The following TRAPPC9 variants were observed in gnomAD, a reference collection of about 807,000 sequenced individuals.
The protein encoded by TRAPPC9 is IKK2 binding protein.
Under a neutral mutation model 124.0 loss-of-function variants are expected in TRAPPC9, and 83 were observed. The observed-to-expected ratio is 0.67, with a 90% CI of 0.56 to 0.80. The LOEUF (loss-of-function observed/expected upper bound fraction) is 0.80. Among genes scored for constraint, TRAPPC9 ranks in the 30% least tolerant of loss-of-function variants. The pLI is 0.00. For missense variants in TRAPPC9, 1,302 were observed against 1,508.3 expected, an observed-to-expected ratio of 0.86 and a Z score of 2.27; for synonymous variants, 638 against 617.5, an observed-to-expected ratio of 1.03 and a Z score of -0.49.
At chr8:140,328,807 T>C (rs1485182416) in intron 9 of TRAPPC9, among the ~76,000 whole-genome samples, 1 of 152,080 alleles carries the variant, frequency 6.6e-6, no homozygotes, top group Admixed American at 6.5e-5. Flanking sequence ...ATTAGCATAG[T>C]TATAATTTAC....
chr8:140,436,578 C>T (rs893785832), intron 3 of TRAPPC9, among the ~76,000 whole-genome samples: 23 of 152,174 alleles, frequency 1.5e-4, no homozygotes, highest in Non-Finnish European at 3.1e-4. Flanking sequence ...CCACTGTCCA[C>T]TTCTGAGAGG....
At chr8:140,170,258 T>C (rs924299447) in intron 17 of TRAPPC9, among the ~76,000 whole-genome samples, 6 of 152,166 alleles carry the variant, frequency 3.9e-5, no homozygotes, top group African/African-American at 1.4e-4. Flanking sequence ...CTAATTTCTG[T>C]TGGATGCTAT....
chr8:140,380,384 C>A (rs568224477), intron 7 of TRAPPC9, among the ~76,000 whole-genome samples: 1 of 152,042 alleles, frequency 6.6e-6, no homozygotes, highest in African/African-American at 2.4e-5. Context: ...CCTGGCATGG[C>A]GGCTCACGGC....
intron 15 of TRAPPC9, among the ~76,000 whole-genome samples, chr8:140,266,590 G>A (rs1341469920): frequency 6.6e-6 from 1 of 152,150 alleles, no homozygotes; most frequent in East Asian, 1.9e-4. Flanking sequence ...CGGGTGCAGT[G>A]GCTCATGCCT....
intron 20 of TRAPPC9, among the ~76,000 whole-genome samples, chr8:139,899,507 G>A (rs1036633192): frequency 1.3e-5 from 2 of 152,162 alleles, no homozygotes; most frequent in Admixed American, 6.5e-5. Context: ...AGGAAGAGGA[G>A]GCACTGGTCT....
intron 17 of TRAPPC9, among the ~76,000 whole-genome samples, chr8:140,112,351 C>G (rs10105469): frequency 4.9e-5 from 6 of 122,162 alleles, no homozygotes; most frequent in Admixed American, 1.6e-4. Flanking sequence ...GGGACAGGTG[C>G]GAGGAGAGGA....
rs2060633790 is a variant in TRAPPC9 at position 140,104,717 on chromosome 8, C to T, written c.2557-80638G>A. Among the ~76,000 whole-genome samples, 1 of 152,198 alleles carries T rather than the reference C, an allele frequency of 6.6e-6. No homozygotes were observed. The highest frequency in any genetic ancestry group is 2.4e-5 in the African/African-American group (1 of 41,448). On this transcript the variant is annotated intron_variant, in intron 17 of 22. Coordinates refer to ENST00000438773, the MANE Select transcript of TRAPPC9 (RefSeq NM_001160372.4). This position sits in a 1 kb window ranked among gnomAD's most constrained non-coding sequence, Gnocchi z 4.0. Reference sequence around the variant, plus strand: ...GGTGCCATTCCCCCAGCCCAGGCACCAGGCCCGGACCAGCTGTAGTTACCC... The same window carrying T: ...GGTGCCATTCCCCCAGCCCAGGCACTAGGCCCGGACCAGCTGTAGTTACCC...
chr8:140,138,742 G>C (rs544911534), intron 17 of TRAPPC9, among the ~76,000 whole-genome samples: 1 of 152,170 alleles, frequency 6.6e-6, no homozygotes, highest in Non-Finnish European at 1.5e-5. Flanking sequence ...TGCTGTGCTC[G>C]GCCTTCAGAA....
chr8:139,957,437 CAGAG>C (rs1835070876), intron 19 of TRAPPC9, among the ~76,000 whole-genome samples: 1 of 152,192 alleles, frequency 6.6e-6, no homozygotes, highest in Non-Finnish European at 1.5e-5. Flanking sequence ...ACTCTGGAGT[CAGAG>C]AGAGGCAGGG....
intron 12 of TRAPPC9, among the ~76,000 whole-genome samples, chr8:140,288,648 T>C (rs1010397671): frequency 6.6e-6 from 1 of 152,108 alleles, no homozygotes; most frequent in Non-Finnish European, 1.5e-5. Flanking sequence ...GAAAACGCTA[T>C]GGAATCTACA....
chr8:140,076,585 C>T (rs964995783), intron 17 of TRAPPC9, among the ~76,000 whole-genome samples: 3 of 152,222 alleles, frequency 2.0e-5, no homozygotes, highest in African/African-American at 7.2e-5. Context: ...GGGCCCATCC[C>T]CTCTGGGTGC....
At chr8:139,905,308 A>C (rs1010379259) in intron 20 of TRAPPC9, among the ~76,000 whole-genome samples, 1 of 152,214 alleles carries the variant, frequency 6.6e-6, no homozygotes, top group Non-Finnish European at 1.5e-5. Flanking sequence ...AGCCTAGGAA[A>C]TGTGGAAGAA....
chr8:139,939,368 G>A (rs997520639), intron 19 of TRAPPC9, among the ~76,000 whole-genome samples: 1 of 152,214 alleles, frequency 6.6e-6, no homozygotes, highest in Admixed American at 6.5e-5. Context: ...CCTGAGAGGG[G>A]GCCGGGAAGC....
chr8:139,885,775 C>T (rs527831141), intron 21 of TRAPPC9, 104 bp downstream of exon 21: 1 of 1,144,010 alleles, frequency 8.7e-7, no homozygotes, highest in East Asian at 2.6e-5. Context: ...TCAGTACCCA[C>T]CAACATTTGG....
chr8:140,160,892 A>T (rs904686023), intron 17 of TRAPPC9, among the ~76,000 whole-genome samples: 1 of 152,168 alleles, frequency 6.6e-6, no homozygotes, highest in African/African-American at 2.4e-5. Context: ...ATATCAGTGA[A>T]CCAGATTATC....
chr8:139,820,132 A>G (rs1048512112), intron 21 of TRAPPC9, among the ~76,000 whole-genome samples: 8 of 152,102 alleles, frequency 5.3e-5, no homozygotes, highest in Non-Finnish European at 1.5e-5. Flanking sequence ...TTCAGATTTC[A>G]GAAAAGAAAA....
At chr8:139,980,887 C>T (rs919427823) in intron 19 of TRAPPC9, among the ~76,000 whole-genome samples, 2 of 152,276 alleles carry the variant, frequency 1.3e-5, no homozygotes, top group African/African-American at 2.4e-5. Context: ...CAGAAGCCAC[C>T]CACGGACAAC....
At chr8:140,335,333 T>C (rs1360511188) in intron 9 of TRAPPC9, among the ~76,000 whole-genome samples, 1 of 152,054 alleles carries the variant, frequency 6.6e-6, no homozygotes, top group Non-Finnish European at 1.5e-5. Flanking sequence ...ATGACCACGA[T>C]GGGAAGAGGG....
chr8:139,946,824 T>TAA (rs35184277), intron 19 of TRAPPC9, among the ~76,000 whole-genome samples: 2,992 of 148,034 alleles, frequency 0.02, 112 homozygotes, highest in African/African-American at 0.069. Context: ...GCTAAAAATT[T>TAA]AAAAAAAAAA....
Sources: gnomAD v4.1 joint callset for allele counts (sites outside exome capture counted in the v4.1 genomes callset) on GRCh38, gnomAD v4.1.1 for gene constraint, Gnocchi (gnomAD v3.1) non-coding constraint, MANE v1.5 for transcripts, NCBI Gene and HGNC (gene_info 2026-07-23, HGNC 2026-07-21) for gene names.